DCC: variants seen among roughly 807,000 people sequenced by gnomAD.
The protein encoded by DCC is DCC netrin 1 receptor, also known as netrin receptor DCC.
A neutral mutation model predicts 172.5 loss-of-function variants in DCC; 58 were observed. That is an observed-to-expected ratio of 0.34 (90% CI 0.27 to 0.42). The LOEUF (loss-of-function observed/expected upper bound fraction) is 0.42. DCC is among the 10% of genes least tolerant of loss of function. The pLI, the probability that DCC is intolerant of heterozygous loss-of-function variation, is 1.00. For missense variants in DCC, 1,740 were observed against 1,791.0 expected (o/e 0.97, Z 0.51); for synonymous variants, 709 against 644.5 (o/e 1.10, Z -1.52).
intron 1 of DCC, among the ~76,000 whole-genome samples, chr18:52,512,123 C>T (rs1327294933): frequency 1.3e-5 from 2 of 152,134 alleles, no homozygotes; most frequent in Non-Finnish European, 2.9e-5. Context: ...GGAGACTGAG[C>T]TCAGCATTAT....
rs1599164449 is a variant in DCC, at chr18:53,450,480, A to G, written c.3230-20A>G. On this transcript the variant is annotated intron_variant, in intron 22 of 28. Transcript: ENST00000442544. ...CCACATCTTCCTAAACCTGAACTCC[A>G]TTTTCCTGTCTTTTCCCAGAGCCGC... is the stretch of plus-strand genomic sequence containing the variant. The G allele has an allele frequency of 6.2e-7, 1 of 1,613,256 alleles. No homozygotes were observed. The highest frequency in any genetic ancestry group is 8.5e-7 in the Non-Finnish European group (1 of 1,179,782).
chr18:53,092,193 T>A (rs1263195388), intron 7 of DCC, among the ~76,000 whole-genome samples: 1 of 152,182 alleles, frequency 6.6e-6, no homozygotes, highest in African/African-American at 2.4e-5. Flanking sequence ...CTTAAATTTT[T>A]TAAATATTAT....
At chr18:53,194,536 C>G (rs145414416) in intron 9 of DCC, among the ~76,000 whole-genome samples, 257 of 151,990 alleles carry the variant, frequency 1.7e-3, no homozygotes, top group African/African-American at 5.5e-3. Context: ...ATGGCACAAT[C>G]TTGGCTCACT....
chr18:53,035,937 C>T (rs2042086910), intron 5 of DCC, among the ~76,000 whole-genome samples: 1 of 151,974 alleles, frequency 6.6e-6, no homozygotes, highest in Non-Finnish European at 1.5e-5. Context: ...ACAAATAATA[C>T]TTCAGTGAAT....
At chr18:53,039,153 G>T (rs2042135348) in intron 5 of DCC, among the ~76,000 whole-genome samples, 2 of 152,038 alleles carry the variant, frequency 1.3e-5, no homozygotes, top group African/African-American at 4.8e-5. Flanking sequence ...AGCAATGTGG[G>T]ATTTCTTTTT....
chr18:52,878,114 C>A (rs907844871), intron 2 of DCC, among the ~76,000 whole-genome samples: 14 of 152,078 alleles, frequency 9.2e-5, no homozygotes, highest in African/African-American at 3.4e-4. Flanking sequence ...TATTTCCTAA[C>A]GTTCCTCTCT....
intron 19 of DCC, among the ~76,000 whole-genome samples, chr18:53,406,989 A>T (rs1909703574): frequency 6.6e-6 from 1 of 152,118 alleles, no homozygotes; most frequent in African/African-American, 2.4e-5. Context: ...ATATATAAGG[A>T]ATTTGCTCAG....
intron 15 of DCC, among the ~76,000 whole-genome samples, chr18:53,375,462 G>A (rs2058100389): frequency 6.6e-6 from 1 of 151,926 alleles, no homozygotes; most frequent in South Asian, 2.1e-4. Context: ...AACTCATTTT[G>A]TTTTATTTTG....
At chr18:53,383,436 A>G (rs1203269473) in intron 15 of DCC, among the ~76,000 whole-genome samples, 1 of 150,572 alleles carries the variant, frequency 6.6e-6, no homozygotes. Flanking sequence ...CTGTTTGCAG[A>G]TTATCCTTAT....
intron 1 of DCC, among the ~76,000 whole-genome samples, chr18:52,636,690 C>A (rs1170469829): frequency 6.6e-6 from 1 of 152,156 alleles, no homozygotes; most frequent in African/African-American, 2.4e-5. Context: ...AGTCTGAACT[C>A]AGACACGCCT....
chr18:52,388,749 G>A (rs960061305), intron 1 of DCC, among the ~76,000 whole-genome samples: 10 of 152,084 alleles, frequency 6.6e-5, no homozygotes, highest in East Asian at 3.9e-4. Flanking sequence ...CCACACACAC[G>A]TGAAAATATG....
chr18:53,134,353 AG>A (rs1284026826), intron 7 of DCC, among the ~76,000 whole-genome samples: 3 of 152,166 alleles, frequency 2.0e-5, no homozygotes, highest in Non-Finnish European at 4.4e-5. Flanking sequence ...ATAATAAAGG[AG>A]GAATTATAAG....
intron 5 of DCC, among the ~76,000 whole-genome samples, chr18:53,024,994 T>C (rs1384420318): frequency 6.6e-6 from 1 of 152,112 alleles, no homozygotes; most frequent in Non-Finnish European, 1.5e-5. Context: ...ACATAAGTAA[T>C]ACAGGAACAC....
chr18:52,993,481 G>A (rs1200540303), intron 5 of DCC, among the ~76,000 whole-genome samples: 1 of 152,100 alleles, frequency 6.6e-6, no homozygotes, highest in African/African-American at 2.4e-5. Flanking sequence ...TGGAATGTCT[G>A]TTACCATGAA....
rs1449816575 is a variant in DCC, at chr18:53,226,694, A to T, written c.1911+11097A>T. Among the ~76,000 whole-genome samples, 16 of 152,006 alleles carry T rather than the reference A, an allele frequency of 1.1e-4. No individual in the cohort carries two copies. The South Asian group carries it at 3.3e-3, about 32-fold the overall frequency. On this transcript the variant is annotated intron_variant, in intron 12 of 28. Coordinates refer to ENST00000442544, the MANE Select transcript of DCC (RefSeq NM_005215.4). ...CCCTCAAGGGTTGTTGGCCAAAAAAACAAACAAACAAAACAAAAAACAAAC... is the reference window on the plus strand; with the variant it reads ...CCCTCAAGGGTTGTTGGCCAAAAAATCAAACAAACAAAACAAAAAACAAAC...
intron 5 of DCC, among the ~76,000 whole-genome samples, chr18:53,032,362 G>T (rs1047961266): frequency 6.6e-6 from 1 of 152,070 alleles, no homozygotes; most frequent in African/African-American, 2.4e-5. Flanking sequence ...TTTCTCATTT[G>T]ATTTCTTTGT....
At position 52,818,896 on chromosome 18, in the gene DCC, C is replaced by A. The variant is rs1364648890; in HGVS notation, c.412+66522C>A. 2.0e-5 allele frequency among the ~76,000 whole-genome samples: 3 copies of A among 152,176 alleles called. No individual in the cohort carries two copies. In the East Asian group the frequency reaches 5.8e-4, roughly 29 times the overall value. The stretch of plus-strand genomic sequence containing the variant: ...GATACAAAAAGTTAGAGACTTGAAT[C>A]ATTCTATCAATTACATCTAAGACTT... On this transcript the variant is annotated intron_variant, in intron 2 of 28. Coordinates refer to ENST00000442544, the MANE Select transcript of DCC (RefSeq NM_005215.4).
intron 12 of DCC, among the ~76,000 whole-genome samples, chr18:53,230,436 G>A (rs1302183155): frequency 2.6e-5 from 4 of 151,834 alleles, no homozygotes; most frequent in African/African-American, 4.8e-5. Flanking sequence ...TTTCCTTAAG[G>A]GACTCCAGCG....
At chr18:53,156,250 C>G (rs1358404022) in intron 7 of DCC, among the ~76,000 whole-genome samples, 4 of 151,944 alleles carry the variant, frequency 2.6e-5, no homozygotes, top group African/African-American at 7.3e-5. Flanking sequence ...TTTGAGAGGC[C>G]AAGGTGGGTG....
Sources: gnomAD v4.1 joint callset for allele counts (sites outside exome capture counted in the v4.1 genomes callset) on GRCh38, gnomAD v4.1.1 for gene constraint, MANE v1.5 for transcripts, NCBI Gene and HGNC (gene_info 2026-07-23, HGNC 2026-07-21) for gene names.